Variants in ST6GAL2 observed in about 807,000 individuals in gnomAD.
ST6GAL2 encodes the protein beta-galactoside alpha-2,6-sialyltransferase 2.
Under a neutral mutation model 37.5 loss-of-function variants are expected in ST6GAL2, and 24 were observed. The observed-to-expected ratio is 0.64, with a 90% CI of 0.46 to 0.90. The LOEUF (loss-of-function observed/expected upper bound fraction) is 0.90. Ranked by LOEUF, ST6GAL2 falls within the 40% of genes least tolerant of loss-of-function variation. The pLI, the probability that ST6GAL2 is intolerant of heterozygous loss-of-function variation, is 0.00. For missense variants in ST6GAL2, 715 were observed against 712.7 expected (o/e 1.00, Z -0.04); for synonymous variants, 306 against 295.1 (o/e 1.04, Z -0.38).
At chr2:106,854,189 G>T (rs1447959804) in intron 1 of ST6GAL2, among the ~76,000 whole-genome samples, 2 of 152,196 alleles carry the variant, frequency 1.3e-5, no homozygotes, top group African/African-American at 2.4e-5. Context: ...CTTTCAGCGG[G>T]TGTTACAGAG....
At chr2:106,842,243 C>T (rs1676914715) in intron 2 of ST6GAL2, among the ~76,000 whole-genome samples, 1 of 152,196 alleles carries the variant, frequency 6.6e-6, no homozygotes, top group Non-Finnish European at 1.5e-5. Flanking sequence ...ACATATCCTC[C>T]TGGTGTGAGT....
chr2:106,867,162 C>G (rs944084961), intron 1 of ST6GAL2, among the ~76,000 whole-genome samples: 1 of 152,086 alleles, frequency 6.6e-6, no homozygotes, highest in Non-Finnish European at 1.5e-5. Context: ...ATAAATGGCT[C>G]CACATTCTAA....
intron 1 of ST6GAL2, among the ~76,000 whole-genome samples, chr2:106,846,516 A>G (rs1183846469): frequency 6.6e-6 from 1 of 152,214 alleles, no homozygotes; most frequent in Non-Finnish European, 1.5e-5. Context: ...CATAATAATT[A>G]AAAAGAAAAA....
chr2:106,808,706 T>C (rs1279743982), intron 5 of ST6GAL2, among the ~76,000 whole-genome samples: 2 of 152,218 alleles, frequency 1.3e-5, no homozygotes, highest in Non-Finnish European at 2.9e-5. Flanking sequence ...TGATTAGTAA[T>C]GACTGCTCTC....
chr2:106,822,232 A>G (rs918268857), intron 5 of ST6GAL2, among the ~76,000 whole-genome samples: 6 of 152,170 alleles, frequency 3.9e-5, no homozygotes, highest in African/African-American at 1.4e-4. Flanking sequence ...TTGTTTGCAG[A>G]CAACATGATC....
At chr2:106,814,046 C>T (rs1190596203) in intron 5 of ST6GAL2, among the ~76,000 whole-genome samples, 1 of 152,092 alleles carries the variant, frequency 6.6e-6, no homozygotes, top group African/African-American at 2.4e-5. Context: ...ATATTTGTAA[C>T]TAAAAGATGG....
At chr2:106,872,764 G>T (rs970417063) in intron 1 of ST6GAL2, among the ~76,000 whole-genome samples, 1 of 152,048 alleles carries the variant, frequency 6.6e-6, no homozygotes, top group Non-Finnish European at 1.5e-5. Context: ...ACCACACCCA[G>T]CTGATTTTTT....
chr2:106,871,630 T>C (rs1417768234), intron 1 of ST6GAL2, among the ~76,000 whole-genome samples: 1 of 152,238 alleles, frequency 6.6e-6, no homozygotes, highest in Non-Finnish European at 1.5e-5. Context: ...TTTTTTAAAT[T>C]TTTTTGTTAA....
At chr2:106,812,597 C>T (rs752524589) in intron 5 of ST6GAL2, among the ~76,000 whole-genome samples, 7 of 152,204 alleles carry the variant, frequency 4.6e-5, no homozygotes, top group Non-Finnish European at 1.0e-4. Context: ...TCCCAGACAT[C>T]AGCCAAGGGC....
intron 1 of ST6GAL2, among the ~76,000 whole-genome samples, chr2:106,862,857 G>T (rs1677865212): frequency 6.6e-6 from 1 of 152,146 alleles, no homozygotes; most frequent in Admixed American, 6.5e-5. Flanking sequence ...ATGACTAAAT[G>T]CTGGAGAAAA....
intron 1 of ST6GAL2, chr2:106,885,865 AC>A (rs1678961593): frequency 6.6e-6 from 1 of 152,128 alleles, no homozygotes; most frequent in South Asian, 2.1e-4. Context: ...ATAAAAGATC[AC>A]CTTTACTGAG....
intron 1 of ST6GAL2, among the ~76,000 whole-genome samples, chr2:106,883,468 T>C (rs996582222): frequency 3.3e-5 from 5 of 152,222 alleles, no homozygotes; most frequent in Admixed American, 6.5e-5. Flanking sequence ...TGTAAGAACA[T>C]TGAAAATTTC....
At chr2:106,859,523 A>G (rs1677715609) in intron 1 of ST6GAL2, among the ~76,000 whole-genome samples, 1 of 152,202 alleles carries the variant, frequency 6.6e-6, no homozygotes, top group Non-Finnish European at 1.5e-5. Flanking sequence ...AGTCTTCCCC[A>G]TCCCGTAAAT....
Position 106,844,018 on chromosome 2 carries a change from T to A in ST6GAL2, c.-41A>T. On this transcript the variant is annotated 5_prime_UTR_variant, in exon 2 of 6. Transcript: ENST00000409382. The stretch of plus-strand genomic sequence containing the variant: ...TCAGCACCTTGTGTCTTAATGCAGA[T>A]GGGTGGCAGAATGAACCTGAAAAAC... 6.7e-7 allele frequency: 1 copy of A among 1,494,796 alleles called. No individual in the cohort carries two copies. The highest frequency in any genetic ancestry group is 8.9e-7 in the Non-Finnish European group (1 of 1,118,326). The allele number at this position is 1,494,796 out of a possible 1,614,324, so 92.6% of individuals were successfully genotyped here.
At chr2:106,811,622 A>G (rs141318273) in intron 5 of ST6GAL2, among the ~76,000 whole-genome samples, 66 of 152,284 alleles carry the variant, frequency 4.3e-4, no homozygotes, top group African/African-American at 1.5e-3. Flanking sequence ...TGAAGAAAGT[A>G]TCCTAAACGT....
rs1247080692 is a variant in ST6GAL2, at chr2:106,801,803, T to C, written c.*4875A>G. The C allele has an allele frequency of 1.3e-5, 2 of 152,192 alleles. No individual in the cohort carries two copies. The highest frequency in any genetic ancestry group is 4.8e-5 in the African/African-American group (2 of 41,448). 9.4% of individuals were successfully genotyped at this position (152,192 alleles called of 1,614,324 possible). A position where few individuals can be genotyped will look rare whatever the true frequency, so the allele number is the denominator to read the frequency against. On this transcript the variant is annotated 3_prime_UTR_variant, in exon 6 of 6. Coordinates refer to ENST00000409382, the MANE Select transcript of ST6GAL2 (RefSeq NM_001142351.2). ...TTTTAAAAATTATCATACAAAAGAATTCCCAAAGCTGTTAAAAAAGTTCAC... is the reference window on the plus strand; with the variant it reads ...TTTTAAAAATTATCATACAAAAGAACTCCCAAAGCTGTTAAAAAAGTTCAC...
intron 2 of ST6GAL2, among the ~76,000 whole-genome samples, chr2:106,841,516 C>T (rs139359191): frequency 7.4e-4 from 113 of 152,318 alleles, no homozygotes; most frequent in African/African-American, 2.5e-3. Flanking sequence ...GGGCTAAACA[C>T]ATATTTGTCA....
chr2:106,803,056 A>G lies in ST6GAL2; in HGVS notation c.*3622T>C, dbSNP rs1675309414. ...AGATGTGTTACTGCTCAGAAGAGTCAATCAGCAGCGTAAGTATGATCTGTC... is the reference window on the plus strand; with the variant it reads ...AGATGTGTTACTGCTCAGAAGAGTCGATCAGCAGCGTAAGTATGATCTGTC... On this transcript the variant is annotated 3_prime_UTR_variant, in exon 6 of 6. Coordinates refer to ENST00000409382, the MANE Select transcript of ST6GAL2 (RefSeq NM_001142351.2). The G allele has an allele frequency of 6.6e-6, 1 of 152,242 alleles. No homozygotes were observed. The highest frequency in any genetic ancestry group is 1.9e-4 in the East Asian group (1 of 5,198). 9.4% of individuals were successfully genotyped at this position (152,242 alleles called of 1,614,324 possible). A position where few individuals can be genotyped will look rare whatever the true frequency, so the allele number is the denominator to read the frequency against.
chr2:106,884,958 C>CATA (rs139372367), intron 1 of ST6GAL2, among the ~76,000 whole-genome samples: 13,270 of 119,688 alleles, frequency 0.11, 918 homozygotes, highest in African/African-American at 0.16. Context: ...CACATATATA[C>CATA]ATATGTGTAT....
Sources: gnomAD v4.1 joint callset for allele counts (sites outside exome capture counted in the v4.1 genomes callset) on GRCh38, gnomAD v4.1.1 for gene constraint, MANE v1.5 for transcripts, NCBI Gene and HGNC (gene_info 2026-07-23, HGNC 2026-07-21) for gene names.